TXNDC16: variants seen among roughly 807,000 people sequenced by gnomAD.
TXNDC16 encodes the protein thioredoxin domain-containing protein 16.
TXNDC16 carries 74 observed loss-of-function variants against 85.6 expected under a neutral mutation model. That is an observed-to-expected ratio of 0.86 (90% CI 0.72 to 1.05). TXNDC16 has a LOEUF of 1.05. Ranked by LOEUF, TXNDC16 falls within the 50% of genes least tolerant of loss-of-function variation. The pLI, the probability that TXNDC16 is intolerant of heterozygous loss-of-function variation, is 0.00. For missense variants in TXNDC16, 959 were observed against 947.0 expected (o/e 1.01, Z -0.17); for synonymous variants, 335 against 326.5 (o/e 1.03, Z -0.28).
chr14:52,529,899 A>ATATTATG (rs1427101614), intron 6 of TXNDC16, among the ~76,000 whole-genome samples: 2 of 103,864 alleles, frequency 1.9e-5, no homozygotes, highest in Non-Finnish European at 3.4e-5. Context: ...TATATATTAT[A>ATATTATG]TATTATATAT....
intron 18 of TXNDC16, among the ~76,000 whole-genome samples, chr14:52,446,346 T>C (rs1341710052): frequency 6.6e-6 from 1 of 152,200 alleles, no homozygotes; most frequent in Non-Finnish European, 1.5e-5. Flanking sequence ...CTGAACTCAG[T>C]GCATGCTCGC....
chr14:52,538,451 C>T (rs8004186), intron 4 of TXNDC16, among the ~76,000 whole-genome samples: 75,752 of 151,980 alleles, frequency 0.5, 19,587 homozygotes, highest in East Asian at 0.7. Context: ...TGAAGATAAA[C>T]AGAAAGCAAA....
Position 52,432,601 on chromosome 14 carries a change from A to G in TXNDC16, c.2195-14T>C. ...CAGGTAAAATTGCTGGAAGGAAGAAACAATCAAAGGTTAAAGATTAACAGC... is the reference window on the plus strand; with the variant it reads ...CAGGTAAAATTGCTGGAAGGAAGAAGCAATCAAAGGTTAAAGATTAACAGC... On this transcript the variant is annotated splice_polypyrimidine_tract_variant and intron_variant, in intron 20 of 20. Transcript: ENST00000281741. 3 of 1,592,418 alleles carry G rather than the reference A, an allele frequency of 1.9e-6. No individual in the cohort carries two copies. The highest frequency in any genetic ancestry group is 2.3e-5 in the South Asian group (2 of 86,806).
intron 16 of TXNDC16, among the ~76,000 whole-genome samples, chr14:52,461,464 T>C (rs972690889): frequency 1.3e-5 from 2 of 152,216 alleles, no homozygotes; most frequent in African/African-American, 2.4e-5. Context: ...TCAGACATTT[T>C]ATTATTATTT....
At chr14:52,457,688 A>C (rs533192389) in intron 16 of TXNDC16, among the ~76,000 whole-genome samples, 2 of 152,356 alleles carry the variant, frequency 1.3e-5, no homozygotes, top group South Asian at 2.1e-4. Flanking sequence ...TCTTTTAAAA[A>C]ACAATTCCTA....
chr14:52,463,907 A>G (rs1039227147), intron 16 of TXNDC16, among the ~76,000 whole-genome samples: 4 of 152,198 alleles, frequency 2.6e-5, no homozygotes, highest in Non-Finnish European at 5.9e-5. Flanking sequence ...AGTGTTTGCA[A>G]AAAAACAAAA....
intron 12 of TXNDC16, among the ~76,000 whole-genome samples, chr14:52,486,523 A>G (rs1011453362): frequency 6.6e-6 from 1 of 151,560 alleles, no homozygotes; most frequent in Non-Finnish European, 1.5e-5. Context: ...TTCTTTTTTC[A>G]GATTGCCCTT....
intron 7 of TXNDC16, among the ~76,000 whole-genome samples, chr14:52,518,474 C>G (rs995844825): frequency 1.3e-5 from 2 of 152,182 alleles, no homozygotes; most frequent in Non-Finnish European, 2.9e-5. Context: ...CCAGAACCAA[C>G]CTTGTCTCCA....
chr14:52,511,040 C>G (rs908853109), intron 9 of TXNDC16, among the ~76,000 whole-genome samples, 200 bp downstream of exon 9: 3 of 151,950 alleles, frequency 2.0e-5, no homozygotes, highest in African/African-American at 7.3e-5. Context: ...AACAGTCTAT[C>G]TTCTATTCTA....
intron 9 of TXNDC16, among the ~76,000 whole-genome samples, chr14:52,501,973 C>T (rs201367055): frequency 3.3e-4 from 51 of 152,322 alleles, no homozygotes; most frequent in African/African-American, 1.1e-3. Context: ...AGGAATCTTT[C>T]GAGGCTTTGT....
chr14:52,519,326 A>C, intron 6 of TXNDC16, 33 bp from the exon 7 acceptor site: 1 of 1,523,666 alleles, frequency 6.6e-7, no homozygotes, highest in Non-Finnish European at 9.0e-7. Flanking sequence ...TAGTAGAAAA[A>C]TCTGATATGT....
chr14:52,546,649 G>C (rs1324036442), intron 1 of TXNDC16, among the ~76,000 whole-genome samples: 2 of 152,236 alleles, frequency 1.3e-5, no homozygotes, highest in Non-Finnish European at 2.9e-5. Flanking sequence ...GCATAACAGA[G>C]AACTCCCAGC....
chr14:52,445,417 A>G (rs1156827194), intron 18 of TXNDC16, among the ~76,000 whole-genome samples: 1 of 152,232 alleles, frequency 6.6e-6, no homozygotes, highest in African/African-American at 2.4e-5. Context: ...TGTCCTTTAG[A>G]TCATCAAGAC....
intron 11 of TXNDC16, among the ~76,000 whole-genome samples, chr14:52,489,363 T>C (rs923558886): frequency 1.4e-4 from 21 of 152,328 alleles, no homozygotes; most frequent in African/African-American, 4.6e-4. Context: ...TGTTACACTT[T>C]TAAAATATGA....
Position 52,490,945 on chromosome 14 carries a change from G to A in TXNDC16, c.817C>T (p.Leu273=), listed in dbSNP as rs780100313. The A allele has an allele frequency of 1.2e-5, 19 of 1,610,156 alleles. No homozygotes were observed. Among genetic ancestry groups the A allele is most frequent in the Middle Eastern group, 1.7e-4 (1 of 6,046 alleles). ...GCCTGTTGGCTAACAATAAAAACCA[G>A]TGGTAAGCCCAGTTGGAGATGGACA... ...STVHLQLGLP[L]VFIVSQQATY... is the part of the protein sequence containing the mutation. Residue 273 remains leucine, a synonymous_variant, in exon 10 of 21, where the codon CTG becomes TTG. Transcript: ENST00000281741.
rs2034905573 is a variant in TXNDC16, at chr14:52,431,899, T to C, written c.*405A>G. 1 of 154,392 alleles carries C rather than the reference T, an allele frequency of 6.5e-6. No homozygotes were observed. Among genetic ancestry groups the C allele is most frequent in the Admixed American group, 6.5e-5 (1 of 15,338 alleles). The allele number at this position is 154,392 out of a possible 1,614,324, so 9.6% of individuals were successfully genotyped here. Reference sequence around the variant, plus strand: ...GAACTAAGTTAATTATGCTAGTTTTTGTCTAGTACTGAACTGTCCAATACA... The same window carrying C: ...GAACTAAGTTAATTATGCTAGTTTTCGTCTAGTACTGAACTGTCCAATACA... On this transcript the variant is annotated 3_prime_UTR_variant, in exon 21 of 21. Transcript: ENST00000281741.
intron 18 of TXNDC16, among the ~76,000 whole-genome samples, chr14:52,441,239 CTTTT>C (rs977230863): frequency 6.6e-6 from 1 of 152,108 alleles, no homozygotes; most frequent in Admixed American, 6.5e-5. Flanking sequence ...AATCTTGTTT[CTTTT>C]GAGTTTAAAA....
intron 6 of TXNDC16, among the ~76,000 whole-genome samples, chr14:52,535,450 G>C (rs577833962): frequency 6.6e-6 from 1 of 152,128 alleles, no homozygotes; most frequent in Non-Finnish European, 1.5e-5. Context: ...CTTTTCACCT[G>C]TAAGTTTTGA....
chr14:52,445,757 T>G (rs1293836117), intron 18 of TXNDC16, among the ~76,000 whole-genome samples: 2 of 152,238 alleles, frequency 1.3e-5, no homozygotes, highest in East Asian at 3.8e-4. Flanking sequence ...AGTAACATGC[T>G]GTACAGGTTT....
Sources: gnomAD v4.1 joint callset for allele counts (sites outside exome capture counted in the v4.1 genomes callset) on GRCh38, gnomAD v4.1.1 for gene constraint, MANE v1.5 for transcripts, NCBI Gene and HGNC (gene_info 2026-07-23, HGNC 2026-07-21) for gene names.